ZNF804B: variants seen among roughly 807,000 people sequenced by gnomAD.
ZNF804B encodes the protein zinc finger protein 804B, also known as zinc finger 804B.
ZNF804B carries 80 observed loss-of-function variants against 101.4 expected under a neutral mutation model. The ratio of observed to expected loss-of-function variants is 0.79; its 90% CI spans 0.66 to 0.95. The LOEUF (loss-of-function observed/expected upper bound fraction) is 0.95. Among genes scored for constraint, ZNF804B ranks in the 40% least tolerant of loss-of-function variants. ZNF804B has a pLI of 0.00. For missense variants in ZNF804B, 1,673 were observed against 1,561.9 expected (o/e 1.07, Z -1.20); for synonymous variants, 622 against 558.8 (o/e 1.11, Z -1.59).
chr7:88,885,061 A>G (rs1184958528), intron 1 of ZNF804B, among the ~76,000 whole-genome samples: 1 of 151,938 alleles, frequency 6.6e-6, no homozygotes, highest in African/African-American at 2.4e-5. Flanking sequence ...AAGCATTTCA[A>G]TGCATATATA....
chr7:88,928,849 T>G (rs1486232133), intron 1 of ZNF804B, among the ~76,000 whole-genome samples: 1 of 152,122 alleles, frequency 6.6e-6, no homozygotes, highest in African/African-American at 2.4e-5. Context: ...CTGCCATTAT[T>G]TTTTTCCTAG....
At chr7:88,839,475 A>G (rs150208582) in intron 1 of ZNF804B, among the ~76,000 whole-genome samples, 2 of 151,972 alleles carry the variant, frequency 1.3e-5, no homozygotes, top group Non-Finnish European at 2.9e-5. Flanking sequence ...TTGCACAGCT[A>G]TTAGGTGGCA....
chr7:88,968,071 A>G (rs1227361532), intron 1 of ZNF804B, among the ~76,000 whole-genome samples: 1 of 151,686 alleles, frequency 6.6e-6, no homozygotes, highest in East Asian at 2.0e-4. Flanking sequence ...CTTTCAAAAA[A>G]AATTCATCAA....
At chr7:89,262,974 G>C (rs546422047) in intron 2 of ZNF804B, among the ~76,000 whole-genome samples, 352 of 130,182 alleles carry the variant, frequency 2.7e-3, no homozygotes, top group African/African-American at 9.3e-3. Flanking sequence ...GCACTTTGTA[G>C]CTTAGTTGTC....
At chr7:89,293,279 A>G (rs981528781) in intron 2 of ZNF804B, among the ~76,000 whole-genome samples, 2 of 152,142 alleles carry the variant, frequency 1.3e-5, no homozygotes, top group Non-Finnish European at 2.9e-5. Flanking sequence ...TCACCACAAA[A>G]AAGATGAGTA....
chr7:89,239,906 G>T (rs2115759728), intron 2 of ZNF804B, among the ~76,000 whole-genome samples: 1 of 151,338 alleles, frequency 6.6e-6, no homozygotes, highest in Non-Finnish European at 1.5e-5. Context: ...ATTATATATG[G>T]TCTCTTATAA....
At chr7:88,815,972 G>A (rs530659251) in intron 1 of ZNF804B, among the ~76,000 whole-genome samples, 52 of 152,012 alleles carry the variant, frequency 3.4e-4, no homozygotes, top group Non-Finnish European at 5.9e-4. Context: ...CTGTCACCCC[G>A]TACCAGGCCT....
chr7:89,256,764 TTAAG>T (rs1789637342), intron 2 of ZNF804B, among the ~76,000 whole-genome samples: 1 of 152,104 alleles, frequency 6.6e-6, no homozygotes, highest in Admixed American at 6.5e-5. Flanking sequence ...TACATGAAAG[TTAAG>T]TGAGTGTTTT....
intron 1 of ZNF804B, among the ~76,000 whole-genome samples, chr7:88,811,603 GA>G (rs1293846648): frequency 6.6e-6 from 1 of 152,142 alleles, no homozygotes; most frequent in Non-Finnish European, 1.5e-5. Context: ...ATTGGATAAA[GA>G]AAAGGTGGTA....
chr7:88,910,102 C>A (rs1461239619), intron 1 of ZNF804B, among the ~76,000 whole-genome samples: 1 of 151,596 alleles, frequency 6.6e-6, no homozygotes. Flanking sequence ...ATAACCAGGG[C>A]AAAAAGTGAA....
intron 1 of ZNF804B, among the ~76,000 whole-genome samples, chr7:89,178,726 T>C (rs539751508): frequency 6.6e-6 from 1 of 152,272 alleles, no homozygotes; most frequent in East Asian, 1.9e-4. Context: ...TGTTATAATA[T>C]TCATATTTTT....
intron 1 of ZNF804B, among the ~76,000 whole-genome samples, chr7:89,048,330 G>A (rs1231577827): frequency 2.0e-5 from 3 of 151,888 alleles, no homozygotes; most frequent in African/African-American, 7.3e-5. Flanking sequence ...AAGGAATGAA[G>A]TCTTTTTTAA....
At chr7:89,196,094 C>T (rs1009177327) in intron 1 of ZNF804B, among the ~76,000 whole-genome samples, 1 of 151,984 alleles carries the variant, frequency 6.6e-6, no homozygotes, top group Non-Finnish European at 1.5e-5. Flanking sequence ...CCTGAATAGC[C>T]AATACAATCC....
At chr7:89,190,149 C>T (rs562853586) in intron 1 of ZNF804B, among the ~76,000 whole-genome samples, 5 of 151,638 alleles carry the variant, frequency 3.3e-5, no homozygotes, top group South Asian at 2.1e-4. Flanking sequence ...CAGCCAGGCG[C>T]GGTGACGAAA....
intron 2 of ZNF804B, among the ~76,000 whole-genome samples, chr7:89,304,372 C>T (rs187870789): frequency 1.3e-5 from 2 of 151,956 alleles, no homozygotes; most frequent in Non-Finnish European, 2.9e-5. Context: ...TTCAATTTCT[C>T]TCCCCTATTT....
At chr7:89,014,138 T>C (rs1788503823) in intron 1 of ZNF804B, among the ~76,000 whole-genome samples, 1 of 152,200 alleles carries the variant, frequency 6.6e-6, no homozygotes, top group Non-Finnish European at 1.5e-5. Context: ...TACTGTTCTT[T>C]ATAGTGGCTA....
At chr7:89,245,781 G>C (rs1789435669) in intron 2 of ZNF804B, among the ~76,000 whole-genome samples, 2 of 152,116 alleles carry the variant, frequency 1.3e-5, no homozygotes, top group East Asian at 1.9e-4. Flanking sequence ...CTGGGAAGGA[G>C]AACATGAGCA....
At chr7:88,974,376 G>T (rs1169903798) in intron 1 of ZNF804B, among the ~76,000 whole-genome samples, 1 of 151,154 alleles carries the variant, frequency 6.6e-6, no homozygotes, top group African/African-American at 2.4e-5. Flanking sequence ...TGGATGTAAA[G>T]CATTCTTACA....
intron 2 of ZNF804B, among the ~76,000 whole-genome samples, chr7:89,235,773 T>C (rs1424619377): frequency 6.6e-6 from 1 of 151,354 alleles, no homozygotes; most frequent in Admixed American, 6.6e-5. Context: ...TTTTTTTTTC[T>C]GAGGAATGTA....
Sources: allele counts gnomAD v4.1 joint callset (sites outside exome capture counted in the v4.1 genomes callset), GRCh38; gene constraint gnomAD v4.1.1; transcripts MANE v1.5; gene names NCBI Gene and HGNC (gene_info 2026-07-23, HGNC 2026-07-21).